The following TDRD3 variants were observed in gnomAD, a reference collection of about 807,000 sequenced individuals.
The protein encoded by TDRD3 is tudor domain-containing protein 3.
A neutral mutation model predicts 86.7 loss-of-function variants in TDRD3; 45 were observed. The observed-to-expected ratio is 0.52, with a 90% CI of 0.41 to 0.67. The LOEUF (loss-of-function observed/expected upper bound fraction) is 0.67. Among genes scored for constraint, TDRD3 ranks in the 30% least tolerant of loss-of-function variants. TDRD3 has a pLI of 0.00. For missense variants in TDRD3, 814 were observed against 889.0 expected (o/e 0.92, Z 1.07); for synonymous variants, 298 against 301.7 (o/e 0.99, Z 0.13).
chr13:60,555,852 CTTTTTTTTTT>C (rs35001150), intron 12 of TDRD3, among the ~76,000 whole-genome samples: 2 of 140,500 alleles, frequency 1.4e-5, no homozygotes, highest in Middle Eastern at 7.4e-3. Flanking sequence ...CTATTTCTTT[CTTTTTTTTTT>C]TTTTTTGAGA....
intron 2 of TDRD3, among the ~76,000 whole-genome samples, chr13:60,440,758 T>C (rs1316979539): frequency 1.3e-5 from 2 of 152,164 alleles, no homozygotes; most frequent in Admixed American, 6.6e-5. Flanking sequence ...TGTAGCTTTA[T>C]AATAAGCTAT....
At chr13:60,496,713 G>T (rs1381367106) in intron 8 of TDRD3, among the ~76,000 whole-genome samples, 1 of 152,142 alleles carries the variant, frequency 6.6e-6, no homozygotes, top group African/African-American at 2.4e-5. Context: ...ACAAAGTGAT[G>T]AAAGAAAATG....
At chr13:60,557,420 A>G (rs904646792) in intron 12 of TDRD3, among the ~76,000 whole-genome samples, 1 of 152,152 alleles carries the variant, frequency 6.6e-6, no homozygotes, top group South Asian at 2.1e-4. Context: ...AGTACCTCAC[A>G]TTTTTGAAAC....
chr13:60,558,964 C>CTTTTTTTTTTTTTTTTTTTTTTTTT (rs562728723), intron 12 of TDRD3, among the ~76,000 whole-genome samples: 1 of 131,552 alleles, frequency 7.6e-6, no homozygotes, highest in Non-Finnish European at 1.6e-5. Flanking sequence ...GACATTTTTG[C>CTTTTTTTTTTTTTTTTTTTTTTTTT]TTTTTTTTTT....
intron 1 of TDRD3, among the ~76,000 whole-genome samples, chr13:60,436,353 C>CAATGTTTAGAATTTCTAAACCATGAA (rs550208841): frequency 1.3e-5 from 2 of 151,966 alleles, no homozygotes; most frequent in African/African-American, 4.8e-5. Context: ...AAGAGTTTTC[C>CAATGTTTAGAATTTCTAAACCATGAA]AATGTTTAGA....
At chr13:60,543,252 TA>T (rs1356554343) in intron 12 of TDRD3, among the ~76,000 whole-genome samples, 1 of 152,196 alleles carries the variant, frequency 6.6e-6, no homozygotes, top group Non-Finnish European at 1.5e-5. Flanking sequence ...CAAAAGTTAT[TA>T]TTTTTTTGTA....
intron 7 of TDRD3, among the ~76,000 whole-genome samples, chr13:60,491,112 C>G (rs1003911521): frequency 6.4e-5 from 8 of 124,448 alleles, no homozygotes; most frequent in Non-Finnish European, 1.2e-4. Flanking sequence ...AAAACTCCAT[C>G]TCAAAAAAAA....
intron 1 of TDRD3, among the ~76,000 whole-genome samples, chr13:60,411,478 A>C (rs2137829188): frequency 6.6e-6 from 1 of 152,352 alleles, no homozygotes; most frequent in African/African-American, 2.4e-5. Context: ...GCAAAAGCAG[A>C]TTAAATACGA....
At chr13:60,427,272 G>C (rs1954835548) in intron 1 of TDRD3, among the ~76,000 whole-genome samples, 1 of 152,076 alleles carries the variant, frequency 6.6e-6, no homozygotes, top group Non-Finnish European at 1.5e-5. Flanking sequence ...TTCAGAATGT[G>C]TTCCATTTTT....
At chr13:60,559,601 A>G (rs936390278) in intron 12 of TDRD3, among the ~76,000 whole-genome samples, 2 of 152,214 alleles carry the variant, frequency 1.3e-5, no homozygotes, top group African/African-American at 2.4e-5. Flanking sequence ...TAACCATAGA[A>G]CTTGGAGGAT....
At chr13:60,513,309 G>T (rs575204174) in intron 10 of TDRD3, among the ~76,000 whole-genome samples, 5 of 152,266 alleles carry the variant, frequency 3.3e-5, no homozygotes, top group Middle Eastern at 3.4e-3. Flanking sequence ...TTTCCTCCTA[G>T]GCCTCCTGGC....
In TDRD3 at chr13:60,567,750, T is replaced by C. The variant is rs1958497448; in HGVS notation, c.*9+100T>C. 2.0e-6 allele frequency: 3 copies of C among 1,470,778 alleles called. No individual in the cohort carries two copies. In the South Asian group the frequency reaches 4.0e-5, roughly 19 times the overall value. 91.1% of individuals were successfully genotyped at this position (1,470,778 alleles called of 1,614,324 possible). On this transcript the variant is annotated intron_variant, in intron 13 of 13. Transcript: ENST00000377881. ...TGATTTTTTTTTCTCTGAGACGAAGTTTCACTCTTGTTGCCCAGGCTGGAG... is the reference window on the plus strand; with the variant it reads ...TGATTTTTTTTTCTCTGAGACGAAGCTTCACTCTTGTTGCCCAGGCTGGAG...
intron 12 of TDRD3, chr13:60,547,106 C>A: frequency 3.0e-6 from 1 of 335,168 alleles, no homozygotes; most frequent in Non-Finnish European, 4.2e-6. Flanking sequence ...AAATAATTTT[C>A]ATTATAAAAA....
At chr13:60,406,820 A>C (rs1954246067) in intron 1 of TDRD3, among the ~76,000 whole-genome samples, 1 of 152,226 alleles carries the variant, frequency 6.6e-6, no homozygotes, top group Admixed American at 6.5e-5. Context: ...AAAGTCTTTT[A>C]AAAAATTCCC....
chr13:60,561,147 A>G (rs928976177), intron 12 of TDRD3, among the ~76,000 whole-genome samples: 1 of 152,224 alleles, frequency 6.6e-6, no homozygotes, highest in African/African-American at 2.4e-5. Flanking sequence ...ATATATCATA[A>G]TAATTTTCTC....
At chr13:60,417,238 C>T (rs1338585594) in intron 1 of TDRD3, among the ~76,000 whole-genome samples, 1 of 152,010 alleles carries the variant, frequency 6.6e-6, no homozygotes, top group Non-Finnish European at 1.5e-5. Context: ...TGGTCTGAAA[C>T]TCCTGGCCTC....
chr13:60,401,922 C>T (rs1275714980), intron 1 of TDRD3, among the ~76,000 whole-genome samples: 1 of 152,126 alleles, frequency 6.6e-6, no homozygotes, highest in Admixed American at 6.5e-5. Context: ...TGGAAAACAA[C>T]CATGGGATAA....
intron 4 of TDRD3, among the ~76,000 whole-genome samples, chr13:60,465,636 G>A (rs1039140999): frequency 1.3e-5 from 2 of 151,912 alleles, no homozygotes; most frequent in African/African-American, 4.8e-5. Context: ...TACTCTGTAT[G>A]GGCTCTTTGA....
intron 8 of TDRD3, among the ~76,000 whole-genome samples, chr13:60,495,976 T>G (rs1956704532): frequency 6.6e-6 from 1 of 151,994 alleles, no homozygotes; most frequent in Non-Finnish European, 1.5e-5. Flanking sequence ...ATCCTGAGTG[T>G]GTCTGTGAGG....
Sources: allele counts gnomAD v4.1 joint callset (sites outside exome capture counted in the v4.1 genomes callset), GRCh38; gene constraint gnomAD v4.1.1; transcripts MANE v1.5; gene names NCBI Gene and HGNC (gene_info 2026-07-23, HGNC 2026-07-21).